The following STPG1 variants were observed in gnomAD, a reference collection of about 807,000 sequenced individuals.
STPG1 encodes the protein sperm tail PG-rich repeat containing 1.
A neutral mutation model predicts 40.1 loss-of-function variants in STPG1; 33 were observed. That is an observed-to-expected ratio of 0.82 (90% CI 0.62 to 1.10). STPG1 has a LOEUF of 1.10. Ranked by LOEUF, STPG1 falls within the 50% of genes least tolerant of loss-of-function variation. STPG1 has a pLI of 0.00. For missense variants in STPG1, 396 were observed against 415.1 expected (o/e 0.95, Z 0.40); for synonymous variants, 150 against 155.0 (o/e 0.97, Z 0.24).
intron 6 of STPG1, 118 bp downstream of exon 6, chr1:24,373,584 C>A (rs1641853272): frequency 2.1e-5 from 15 of 712,546 alleles, no homozygotes; most frequent in Middle Eastern, 4.1e-4. Flanking sequence ...GCCTGCTACT[C>A]CTCCCCACCC....
At chr1:24,363,311 T>C (rs1321242288) in intron 7 of STPG1, among the ~76,000 whole-genome samples, 1 of 152,234 alleles carries the variant, frequency 6.6e-6, no homozygotes, top group East Asian at 1.9e-4. Flanking sequence ...CCTAGCACTA[T>C]GGATCTTTCA....
At chr1:24,391,540 C>T in intron 3 of STPG1, 21 bp downstream of exon 3, 3 of 1,411,722 alleles carry the variant, frequency 2.1e-6, no homozygotes, top group Non-Finnish European at 2.9e-6. Flanking sequence ...AACGAAAGAA[C>T]CCCTGAGACA....
At chr1:24,365,849 A>G (rs1001329361) in intron 7 of STPG1, among the ~76,000 whole-genome samples, 1 of 152,186 alleles carries the variant, frequency 6.6e-6, no homozygotes, top group African/African-American at 2.4e-5. Flanking sequence ...GTGAGCAGGG[A>G]AAGTGGAGGT....
At chr1:24,361,985 T>C (rs937690818) in intron 7 of STPG1, among the ~76,000 whole-genome samples, 9 of 152,170 alleles carry the variant, frequency 5.9e-5, no homozygotes, top group Admixed American at 5.2e-4. Context: ...CTCCCAACCA[T>C]GTAATAGAAG....
Position 24,359,419 on chromosome 1 carries a change from T to C in STPG1, c.929-800A>G, listed in dbSNP as rs1324003780. Among the ~76,000 whole-genome samples the C allele has an allele frequency of 6.6e-6, 1 of 152,210 alleles. No individual in the cohort carries two copies. Among genetic ancestry groups the C allele is most frequent in the East Asian group, 1.9e-4 (1 of 5,184 alleles). On this transcript the variant is annotated intron_variant, in intron 8 of 8. Transcript: ENST00000337248. The surrounding 1 kb of genome is among the most constrained non-coding windows in gnomAD (Gnocchi z 5.3). Reference sequence around the variant, plus strand: ...GGAGCTCACCCCTTGTATGGAGCATTTGCATGTTTGCAATGCTGAGTTCTC... The same window carrying C: ...GGAGCTCACCCCTTGTATGGAGCATCTGCATGTTTGCAATGCTGAGTTCTC...
chr1:24,384,290 A>G (rs1642411458), intron 3 of STPG1, among the ~76,000 whole-genome samples: 2 of 152,202 alleles, frequency 1.3e-5, no homozygotes, highest in Admixed American at 6.5e-5. Flanking sequence ...TTTTCAAGTC[A>G]TTAGAGAAAT....
At chr1:24,366,606 T>G (rs187850962) in intron 7 of STPG1, among the ~76,000 whole-genome samples, 1 of 152,340 alleles carries the variant, frequency 6.6e-6, no homozygotes, top group African/African-American at 2.4e-5. Flanking sequence ...CCACGTTAAT[T>G]TTAAAATACA....
At chr1:24,370,145 T>C (rs1259244034) in intron 6 of STPG1, among the ~76,000 whole-genome samples, 6 of 152,186 alleles carry the variant, frequency 3.9e-5, no homozygotes, top group Non-Finnish European at 7.3e-5. Context: ...AGGACATTCA[T>C]CTAACCAGGG....
intron 5 of STPG1, among the ~76,000 whole-genome samples, chr1:24,377,096 T>A (rs1224921176): frequency 4.8e-5 from 7 of 145,388 alleles, no homozygotes; most frequent in African/African-American, 7.7e-5. Flanking sequence ...CCATCTCTAC[T>A]AAAAAAAAAA....
At chr1:24,376,199 T>C (rs545462880) in intron 5 of STPG1, among the ~76,000 whole-genome samples, 13 of 152,276 alleles carry the variant, frequency 8.5e-5, no homozygotes, top group East Asian at 3.9e-4. Flanking sequence ...TTTTGTATTT[T>C]TAGTAGAGGC....
chr1:24,378,030 A>C (rs1018049251), intron 5 of STPG1, among the ~76,000 whole-genome samples: 3 of 151,834 alleles, frequency 2.0e-5, no homozygotes, highest in African/African-American at 7.3e-5. Context: ...CCTCCTCCTC[A>C]TCATTTTCAG....
At chr1:24,370,270 C>T (rs1641672775) in intron 6 of STPG1, among the ~76,000 whole-genome samples, 1 of 151,930 alleles carries the variant, frequency 6.6e-6, no homozygotes, top group Non-Finnish European at 1.5e-5. Flanking sequence ...TTTTAAGTTC[C>T]TAGCACATAG....
chr1:24,380,679 G>A (rs1455633685), intron 4 of STPG1, among the ~76,000 whole-genome samples: 2 of 152,300 alleles, frequency 1.3e-5, no homozygotes, highest in South Asian at 2.1e-4. Flanking sequence ...TGGTGGTGAC[G>A]GTCCTCAGCG....
At chr1:24,364,090 A>G in intron 7 of STPG1, 1 of 1,430,168 alleles carries the variant, frequency 7.0e-7, no homozygotes, top group Non-Finnish European at 9.2e-7. Flanking sequence ...CAGTTCAGCA[A>G]CTCCATGCCT....
At chr1:24,372,841 C>T in intron 6 of STPG1, among the ~76,000 whole-genome samples, 1 of 152,136 alleles carries the variant, frequency 6.6e-6, no homozygotes, top group East Asian at 1.9e-4. Flanking sequence ...AGCTCTGGTG[C>T]CCAGGGCTTC....
intron 6 of STPG1, among the ~76,000 whole-genome samples, chr1:24,372,030 T>C (rs1641770228): frequency 6.6e-6 from 1 of 152,076 alleles, no homozygotes; most frequent in Non-Finnish European, 1.5e-5. Context: ...ATACAAAAGT[T>C]AGCCGGGCGT....
intron 7 of STPG1, among the ~76,000 whole-genome samples, chr1:24,363,710 G>T (rs915945022): frequency 6.6e-6 from 1 of 152,182 alleles, no homozygotes; most frequent in Non-Finnish European, 1.5e-5. Flanking sequence ...CAGAGAGAAA[G>T]AGACAGAGAC....
chr1:24,406,839 T>A (rs1643434090), intron 1 of STPG1, among the ~76,000 whole-genome samples: 1 of 152,210 alleles, frequency 6.6e-6, no homozygotes, highest in Non-Finnish European at 1.5e-5. Flanking sequence ...CAATTTGATT[T>A]TTCCTAATTT....
chr1:24,397,193 A>G (rs1419108797), intron 2 of STPG1, among the ~76,000 whole-genome samples: 2 of 152,182 alleles, frequency 1.3e-5, no homozygotes, highest in Non-Finnish European at 2.9e-5. Context: ...AGAAGCAGAA[A>G]CTGATAAAAC....
Sources: gnomAD v4.1 joint callset for allele counts (sites outside exome capture counted in the v4.1 genomes callset) on GRCh38, gnomAD v4.1.1 for gene constraint, Gnocchi (gnomAD v3.1) non-coding constraint, MANE v1.5 for transcripts, NCBI Gene and HGNC (gene_info 2026-07-23, HGNC 2026-07-21) for gene names.